The following PIK3C2G variants were observed in gnomAD, a reference collection of about 807,000 sequenced individuals.
PIK3C2G encodes phosphatidylinositol-4-phosphate 3-kinase catalytic subunit type 2 gamma.
In PIK3C2G, 168 loss-of-function variants were observed where a neutral mutation model predicts 181.1. That is an observed-to-expected ratio of 0.93 (90% CI 0.82 to 1.05). PIK3C2G has a LOEUF of 1.05. Ranked by LOEUF, PIK3C2G falls within the 50% of genes least tolerant of loss-of-function variation. The pLI, the probability that PIK3C2G is intolerant of heterozygous loss-of-function variation, is 0.00. For missense variants in PIK3C2G, 1,869 were observed against 1,732.8 expected (o/e 1.08, Z -1.40); for synonymous variants, 573 against 592.2 (o/e 0.97, Z 0.47).
chr12:18,497,557 T>C, intron 21 of PIK3C2G, 62 bp from the exon 22 acceptor site: 2 of 1,388,160 alleles, frequency 1.4e-6, no homozygotes, highest in South Asian at 2.5e-5. Flanking sequence ...GTACTGTATT[T>C]GACTGCTTTT....
At chr12:18,573,960 C>G (rs11044196) in intron 29 of PIK3C2G, among the ~76,000 whole-genome samples, 7,912 of 152,224 alleles carry the variant, frequency 0.052, 700 homozygotes, top group African/African-American at 0.18. Flanking sequence ...TCTGTCCCAT[C>G]TCACATGTGG....
At chr12:18,597,810 CA>C (rs1292246445) in intron 30 of PIK3C2G, among the ~76,000 whole-genome samples, 6 of 151,822 alleles carry the variant, frequency 4.0e-5, no homozygotes, top group African/African-American at 1.5e-4. Flanking sequence ...TCTCAGGATA[CA>C]AAATCAATGT....
At chr12:18,408,038 T>G (rs1409808033) in intron 16 of PIK3C2G, among the ~76,000 whole-genome samples, 1 of 152,186 alleles carries the variant, frequency 6.6e-6, no homozygotes, top group African/African-American at 2.4e-5. Flanking sequence ...CAGAATATTT[T>G]GAACAGATTT....
At chr12:18,276,053 A>G (rs990998751) in intron 1 of PIK3C2G, among the ~76,000 whole-genome samples, 20 of 152,214 alleles carry the variant, frequency 1.3e-4, no homozygotes, top group Non-Finnish European at 2.9e-5. Flanking sequence ...GTTGCAGTAG[A>G]CAAAGAAAAC....
rs550313835 is a variant in PIK3C2G, at chr12:18,471,929, A to G, written c.2505-16520A>G. ...TATTAATTAATAATGAAAGATCTGTAGATTCATAATAGATTCCATTTATAT... is the reference window on the plus strand; with the variant it reads ...TATTAATTAATAATGAAAGATCTGTGGATTCATAATAGATTCCATTTATAT... On this transcript the variant is annotated intron_variant, in intron 18 of 32. Transcript: ENST00000538779. Among the ~76,000 whole-genome samples, 4 of 152,288 alleles carry G rather than the reference A, an allele frequency of 2.6e-5. No homozygotes were observed. In the South Asian group the frequency reaches 8.3e-4, roughly 32 times the overall value.
At chr12:18,575,899 T>C (rs1463250861) in intron 29 of PIK3C2G, among the ~76,000 whole-genome samples, 3 of 152,190 alleles carry the variant, frequency 2.0e-5, no homozygotes, top group Non-Finnish European at 4.4e-5. Context: ...AATAACAAAA[T>C]CATTAGCACA....
At chr12:18,367,716 G>A (rs1418812585) in intron 12 of PIK3C2G, among the ~76,000 whole-genome samples, 3 of 151,656 alleles carry the variant, frequency 2.0e-5, no homozygotes, top group Admixed American at 6.6e-5. Flanking sequence ...GTGCCACCAC[G>A]CCTGGCTAAT....
chr12:18,674,792 G>A, the PIK3C2G span, among the ~76,000 whole-genome samples: 3 of 152,216 alleles, frequency 2.0e-5, no homozygotes, highest in East Asian at 5.8e-4. Context: ...AAAGTGGTAT[G>A]GTATGACTTC....
intron 9 of PIK3C2G, among the ~76,000 whole-genome samples, chr12:18,339,262 GATA>G (rs1938885122): frequency 6.6e-6 from 1 of 152,140 alleles, no homozygotes; most frequent in South Asian, 2.1e-4. Flanking sequence ...AAGATATGAT[GATA>G]ATAACTAGCA....
rs927019945 is a variant in PIK3C2G, at chr12:18,640,450, C to T, written c.4204C>T (p.Pro1402Ser). Residue 1402 changes from proline to serine, a missense_variant, in exon 32 of 33, where the codon CCC becomes TCC. Physicochemically the swap from Pro to Ser is moderately conservative, Grantham distance 74. Transcript: ENST00000538779. ...KNIHLPDGSA[P>S]SAHVEFYLLP... ...GCAGCATCTCCCAGATGGCTCTGCGCCCAGTGCACATGTTGAATTTTATCT... is the reference window on the plus strand; with the variant it reads ...GCAGCATCTCCCAGATGGCTCTGCGTCCAGTGCACATGTTGAATTTTATCT... 1.9e-6 allele frequency: 3 copies of T among 1,610,078 alleles called. No individual in the cohort carries two copies. Among genetic ancestry groups the T allele is most frequent in the African/African-American group, 2.7e-5 (2 of 74,848 alleles).
At chr12:18,670,258 C>T in the PIK3C2G span, among the ~76,000 whole-genome samples, 2,003 of 152,102 alleles carry the variant, frequency 0.013, 19 homozygotes, top group Middle Eastern at 0.024. Flanking sequence ...CAGATTGCTA[C>T]ATTTCTCCAC....
intron 6 of PIK3C2G, among the ~76,000 whole-genome samples, chr12:18,315,032 G>T (rs568863159): frequency 6.6e-6 from 1 of 152,234 alleles, no homozygotes; most frequent in African/African-American, 2.4e-5. Context: ...GTGAACTTTG[G>T]TATTATGGCA....
chr12:18,399,491 C>T (rs1944117334), intron 15 of PIK3C2G, among the ~76,000 whole-genome samples, 168 bp from the exon 16 acceptor site: 1 of 151,142 alleles, frequency 6.6e-6, no homozygotes, highest in Middle Eastern at 3.2e-3. Flanking sequence ...GGAAAATAAA[C>T]TGATGAAATA....
the PIK3C2G span, among the ~76,000 whole-genome samples, chr12:18,654,301 A>T: frequency 6.6e-6 from 1 of 152,006 alleles, no homozygotes; most frequent in Admixed American, 6.6e-5. Context: ...ACCTAAAAAA[A>T]AAAAAAAAAA....
At chr12:18,393,981 A>G (rs1943705078) in intron 15 of PIK3C2G, among the ~76,000 whole-genome samples, 1 of 152,108 alleles carries the variant, frequency 6.6e-6, no homozygotes, top group Non-Finnish European at 1.5e-5. Context: ...CTTCTTAAAT[A>G]TTTGGTTGAG....
intron 9 of PIK3C2G, among the ~76,000 whole-genome samples, chr12:18,338,916 T>C (rs966215783): frequency 1.3e-5 from 2 of 152,120 alleles, no homozygotes; most frequent in African/African-American, 4.8e-5. Flanking sequence ...AGTGTTTGTA[T>C]AGATTGTTAA....
intron 14 of PIK3C2G, among the ~76,000 whole-genome samples, chr12:18,384,053 C>T (rs1312011750): frequency 6.6e-6 from 1 of 151,200 alleles, no homozygotes; most frequent in South Asian, 2.1e-4. Context: ...AACTCCTGAC[C>T]TCAAGCAATC....
chr12:18,303,761 A>G (rs1174558145), intron 5 of PIK3C2G, among the ~76,000 whole-genome samples: 1 of 152,202 alleles, frequency 6.6e-6, no homozygotes, highest in African/African-American at 2.4e-5. Flanking sequence ...TAATCATTGC[A>G]TTGTCAGTAG....
At chr12:18,387,297 A>T (rs953513476) in intron 14 of PIK3C2G, among the ~76,000 whole-genome samples, 2 of 152,138 alleles carry the variant, frequency 1.3e-5, no homozygotes, top group African/African-American at 4.8e-5. Context: ...TAAAACTTAA[A>T]TCTGAACCTG....
Sources: gnomAD v4.1 joint callset for allele counts (sites outside exome capture counted in the v4.1 genomes callset) on GRCh38, gnomAD v4.1.1 for gene constraint, MANE v1.5 for transcripts, NCBI Gene and HGNC (gene_info 2026-07-23, HGNC 2026-07-21) for gene names.